The following CPNE6 variants were observed in gnomAD, a reference collection of about 807,000 sequenced individuals.
CPNE6 encodes copine-6.
CPNE6 carries 33 observed loss-of-function variants against 71.5 expected under a neutral mutation model. The observed-to-expected ratio is 0.46, with a 90% CI of 0.35 to 0.62. CPNE6 has a LOEUF of 0.62. Among genes scored for constraint, CPNE6 ranks in the 20% least tolerant of loss-of-function variants. CPNE6 has a pLI of 0.00. For synonymous variants in CPNE6, 296 were observed against 293.0 expected (o/e 1.01, Z -0.10); for missense variants, 576 against 747.3 (o/e 0.77, Z 2.67).
Position 24,075,150 on chromosome 14 carries a change from A to T in CPNE6, c.673-22A>T. On this transcript the variant is annotated intron_variant, in intron 8 of 17. Transcript: ENST00000397016. This position sits in a 1 kb window ranked among gnomAD's most constrained non-coding sequence, Gnocchi z 4.3. The stretch of plus-strand genomic sequence containing the variant: ...CGCAGAGCATCTCCAACCTGACCCC[A>T]CCCCTCCCCCTGCCTTCTCAGTTCC... The T allele has an allele frequency of 6.3e-7, 1 of 1,581,846 alleles. No homozygotes were observed. The highest frequency in any genetic ancestry group is 1.1e-5 in the South Asian group (1 of 90,382).
chr14:24,076,979 G>A (rs779770775), exon 15 of CPNE6: 105 of 1,611,882 alleles, frequency 6.5e-5, no homozygotes, highest in African/African-American at 1.1e-4. Flanking sequence ...TGGCTGAGCC[G>A]GCCCAGCGGG....
In CPNE6 at chr14:24,076,581, C is replaced by A. The variant is rs1190427603; in HGVS notation, c.1165+24C>A. 3 of 1,613,616 alleles carry A rather than the reference C, an allele frequency of 1.9e-6. No individual in the cohort carries two copies. In the South Asian group the frequency reaches 3.3e-5, roughly 18 times the overall value. ...AGGTAAAAGGGGAGATTTTCACCTGCCCCGCCTCCCCGCAGACACACTCCA... is the reference window on the plus strand; with the variant it reads ...AGGTAAAAGGGGAGATTTTCACCTGACCCGCCTCCCCGCAGACACACTCCA... On this transcript the variant is annotated intron_variant, in intron 14 of 17. Coordinates refer to ENST00000397016, the Ensembl canonical transcript of CPNE6.
At position 24,073,245 on chromosome 14, in the gene CPNE6, A is replaced by G. The variant is rs986685766; in HGVS notation, c.168+141A>G. On this transcript the variant is annotated intron_variant, in intron 3 of 17. Transcript: ENST00000397016. This position sits in a 1 kb window ranked among gnomAD's most constrained non-coding sequence, Gnocchi z 5.5. ...TCGAGGCCGCTTGGGTACCCTGGAG[A>G]TGGTGTCCCAGAGGGTCCTGAGATT... The G allele has an allele frequency of 6.9e-6, 7 of 1,021,824 alleles. No homozygotes were observed. In the East Asian group the frequency reaches 2.1e-4, roughly 31 times the overall value. 63.3% of individuals were successfully genotyped at this position (1,021,824 alleles called of 1,614,324 possible).
rs2138844500 is a variant in CPNE6, at chr14:24,073,231, TG to T, written c.168+130del. 9.1e-7 allele frequency: 1 copy of T among 1,097,996 alleles called. No homozygotes were observed. The highest frequency in any genetic ancestry group is 2.1e-5 in the South Asian group (1 of 48,420). The allele number at this position is 1,097,996 out of a possible 1,614,324, so 68.0% of individuals were successfully genotyped here. On this transcript the variant is annotated intron_variant, in intron 3 of 17. Transcript: ENST00000397016. The surrounding 1 kb of genome is among the most constrained non-coding windows in gnomAD (Gnocchi z 5.5). ...TCTGCGGCGCCTTCTCGAGGCCGCT[TG>T]GGTACCCTGGAGATGGTGTCCCAGA...
At chr14:24,071,027 G>A (rs368500755) in exon 1 of CPNE6, 114 of 1,535,454 alleles carry the variant, frequency 7.4e-5, no homozygotes, top group African/African-American at 3.0e-4. Context: ...GCTGTATTCC[G>A]GGTTAGTTTG....
At chr14:24,076,596 G>T (rs1389753843) in intron 14 of CPNE6, 39 bp downstream of exon 13, 2 of 1,612,138 alleles carry the variant, frequency 1.2e-6, no homozygotes, top group Non-Finnish European at 1.7e-6. Context: ...CCTCCCCGCA[G>T]ACACACTCCA....
In CPNE6 at chr14:24,077,135, C is replaced by G. The variant is rs368566672; in HGVS notation, c.1300-19C>G. 2.5e-5 allele frequency: 40 copies of G among 1,596,938 alleles called. No individual in the cohort carries two copies. The highest frequency in any genetic ancestry group is 3.2e-5 in the Non-Finnish European group (38 of 1,176,058). On this transcript the variant is annotated intron_variant, in intron 15 of 17. Transcript: ENST00000397016. This position sits in a 1 kb window ranked among gnomAD's most constrained non-coding sequence, Gnocchi z 6.1. ...TTGCACACAAAGCCAACCCTTCCAC[C>G]CTCTCTGCTTGCCCTCAGAAGTACT...
Position 24,072,953 on chromosome 14 carries a change from TG to T in CPNE6, c.20del (p.Gly7AspfsTer9). 6.3e-7 allele frequency: 1 copy of T among 1,581,566 alleles called. No individual in the cohort carries two copies. Among genetic ancestry groups the T allele is most frequent in the Non-Finnish European group, 8.6e-7 (1 of 1,165,774 alleles). On this transcript the variant is annotated frameshift_variant, in exon 3 of 18. Coordinates refer to ENST00000397016, the Ensembl canonical transcript of CPNE6. LOFTEE classifies it high-confidence loss of function. ...CACAGTGACATGTCGGACCCTGAGA[TG>T]GGATGGGTGCCTGAGCCCCCAACCA...
In CPNE6 at chr14:24,077,375, C is replaced by T. The variant is rs757819303; in HGVS notation, c.1521C>T (p.Phe507=). The change falls in exon 16 of 18, where the codon TTC becomes TTT. Residue 507 remains phenylalanine, a synonymous_variant. Coordinates refer to ENST00000397016, the Ensembl canonical transcript of CPNE6. This position sits in a 1 kb window ranked among gnomAD's most constrained non-coding sequence, Gnocchi z 6.1. ...GAGACATTGTCCAGTTCGTGCCCTT[C>T]CGAGACTTCAAGGATGTGAGTCCCC... 9 of 1,613,870 alleles carry T rather than the reference C, an allele frequency of 5.6e-6. No homozygotes were observed. The highest frequency in any genetic ancestry group is 7.6e-6 in the Non-Finnish European group (9 of 1,179,988).
chr14:24,076,850 C>T lies in CPNE6; in HGVS notation c.1166-29C>T, dbSNP rs750491160. 8 of 1,610,522 alleles carry T rather than the reference C, an allele frequency of 5.0e-6. 1 individual carries two copies. The South Asian group carries it at 8.8e-5, about 18-fold the overall frequency. On this transcript the variant is annotated intron_variant, in intron 14 of 17. Transcript: ENST00000397016. ...CAGGAGGGGGCCCTGCTCATTTCTG[C>T]CAGCTTCACAACTTCTCTTCACTCA...
rs2036024997 is a variant in CPNE6, at chr14:24,075,298, C to T, written c.777+22C>T. 1 of 1,582,654 alleles carries T rather than the reference C, an allele frequency of 6.3e-7. No homozygotes were observed. The highest frequency in any genetic ancestry group is 1.1e-5 in the South Asian group (1 of 90,460). ...GGAGGTGCCACAAATACCCCACCCC[C>T]AGAATCCCACCCAGATCCCTGGGAG... On this transcript the variant is annotated intron_variant, in intron 9 of 17. Transcript: ENST00000397016. This position sits in a 1 kb window ranked among gnomAD's most constrained non-coding sequence, Gnocchi z 4.3.
At chr14:24,076,598 C>A (rs1437979690) in intron 14 of CPNE6, 41 bp downstream of exon 13, 1 of 1,610,794 alleles carries the variant, frequency 6.2e-7, no homozygotes, top group Non-Finnish European at 8.5e-7. Context: ...TCCCCGCAGA[C>A]ACACTCCACA....
At position 24,076,427 on chromosome 14, in the gene CPNE6, C is replaced by G; in HGVS notation, c.1113+13C>G. 1 of 1,614,154 alleles carries G rather than the reference C, an allele frequency of 6.2e-7. No homozygotes were observed. The highest frequency in any genetic ancestry group is 8.5e-7 in the Non-Finnish European group (1 of 1,180,032). ...CCCCAACTTCGAGGTAGGCTAGATG[C>G]GAGGGAAAGAAGGAGATGGGGGGCG... On this transcript the variant is annotated intron_variant, in intron 13 of 17. Transcript: ENST00000397016.
rs566693072 is a variant in CPNE6 at position 24,073,085 on chromosome 14, C to G, written c.149C>G (p.Ser50Cys). The change falls in exon 3 of 18, where the codon TCT (serine) becomes TGT (cysteine). Residue 50 changes from serine (S) to cysteine (C), a missense_variant. By Grantham distance (112) the Ser-to-Cys change is moderately radical. This residue lies in a region of CPNE6 where 89 missense variants were observed against 80.4 expected (regional missense o/e 1.11). Coordinates refer to ENST00000397016, the Ensembl canonical transcript of CPNE6. The surrounding 1 kb of genome is among the most constrained non-coding windows in gnomAD (Gnocchi z 5.5). Reference sequence around the variant, plus strand: ...CCCTGCGTGCTGCTCAAGCTCTACTCTGATGAGCAGTGGGTGGAGGTGAGA... The same window carrying G: ...CCCTGCGTGCTGCTCAAGCTCTACTGTGATGAGCAGTGGGTGGAGGTGAGA... The G allele has an allele frequency of 2.0e-6, 3 of 1,485,470 alleles. No individual in the cohort carries two copies. Among genetic ancestry groups the G allele is most frequent in the Admixed American group, 2.3e-5 (1 of 42,640 alleles). The allele number at this position is 1,485,470 out of a possible 1,614,324, so 92.0% of individuals were successfully genotyped here.
chr14:24,077,669 G>A lies in CPNE6; in HGVS notation c.1613G>A (p.Gly538Asp), dbSNP rs749989504. 2.5e-6 allele frequency: 4 copies of A among 1,593,306 alleles called. No individual in the cohort carries two copies. The highest frequency in any genetic ancestry group is 2.2e-5 in the East Asian group (1 of 44,680). The change falls in exon 17 of 18, where the codon GGC becomes GAC. Residue 538 changes from glycine to aspartate, a missense_variant. This residue lies in a region of CPNE6 where 264 missense variants were observed against 339.9 expected (regional missense o/e 0.78). Coordinates refer to ENST00000397016, the Ensembl canonical transcript of CPNE6. This position sits in a 1 kb window ranked among gnomAD's most constrained non-coding sequence, Gnocchi z 6.1. The stretch of plus-strand genomic sequence containing the variant: ...GTGGTGGAGTACTACGCCAGCCAGG[G>A]CATCAGCCCTGGGGCTCCCAGGCCC...
In CPNE6 at chr14:24,073,657, T is replaced by C; in HGVS notation, c.327T>C (p.Ser109=). 6.2e-7 allele frequency: 1 copy of C among 1,613,566 alleles called. No homozygotes were observed. Among genetic ancestry groups the C allele is most frequent in the South Asian group, 1.1e-5 (1 of 91,034 alleles). ...CCCGAAATGATACCTTCCTCGGCTCTACGGAGTGCACCTTGGGCCAGGTCT... is the reference window on the plus strand; with the variant it reads ...CCCGAAATGATACCTTCCTCGGCTCCACGGAGTGCACCTTGGGCCAGGTCT... The change falls in exon 4 of 18, where the codon TCT becomes TCC. Residue 109 remains serine, a synonymous_variant. Transcript: ENST00000397016. This position sits in a 1 kb window ranked among gnomAD's most constrained non-coding sequence, Gnocchi z 5.5.
In CPNE6 at chr14:24,075,892, G is replaced by T; in HGVS notation, c.924+6G>T. 1 of 1,614,092 alleles carries T rather than the reference G, an allele frequency of 6.2e-7. No homozygotes were observed. Among genetic ancestry groups the T allele is most frequent in the South Asian group, 1.1e-5 (1 of 91,072 alleles). ...GCTGCCAGATCAGCTTCACGGTAAA[G>T]ACTCAGAGGGAGGGCACACAGGCAA... On this transcript the variant is annotated splice_donor_region_variant and intron_variant, in intron 11 of 17. Coordinates refer to ENST00000397016, the Ensembl canonical transcript of CPNE6. The surrounding 1 kb of genome is among the most constrained non-coding windows in gnomAD (Gnocchi z 4.3).
In CPNE6 at chr14:24,077,635, C is replaced by T; in HGVS notation, c.1579C>T (p.Pro527Ser). 1 of 1,596,738 alleles carries T rather than the reference C, an allele frequency of 6.3e-7. No homozygotes were observed. Among genetic ancestry groups the T allele is most frequent in the South Asian group, 1.1e-5 (1 of 88,118 alleles). Reference sequence around the variant, plus strand: ...CGCCAAGTGTGTCCTGGCTGAGGTGCCACGGCAGGTGGTGGAGTACTACGC... The same window carrying T: ...CGCCAAGTGTGTCCTGGCTGAGGTGTCACGGCAGGTGGTGGAGTACTACGC... Residue 527 changes from proline (P) to serine (S), a missense_variant, in exon 17 of 18, where the codon CCA (proline) becomes TCA (serine). This residue lies in a region of CPNE6 where 264 missense variants were observed against 339.9 expected (regional missense o/e 0.78). Transcript: ENST00000397016. The surrounding 1 kb of genome is among the most constrained non-coding windows in gnomAD (Gnocchi z 6.1).
rs1594228115 is a variant in CPNE6, at chr14:24,073,778, A to G, written c.348+100A>G. The G allele has an allele frequency of 7.6e-7, 1 of 1,320,840 alleles. No individual in the cohort carries two copies. The highest frequency in any genetic ancestry group is 2.4e-5 in the East Asian group (1 of 41,646). 81.8% of individuals were successfully genotyped at this position (1,320,840 alleles called of 1,614,324 possible). A position where few individuals can be genotyped will look rare whatever the true frequency, so the allele number is the denominator to read the frequency against. On this transcript the variant is annotated intron_variant, in intron 4 of 17. Coordinates refer to ENST00000397016, the Ensembl canonical transcript of CPNE6. This position sits in a 1 kb window ranked among gnomAD's most constrained non-coding sequence, Gnocchi z 5.5. Reference sequence around the variant, plus strand: ...AAACATGAGCTCTAGAGCTAGTTCAACCCAGCCTTGGCTCCCATCTCTGCC... The same window carrying G: ...AAACATGAGCTCTAGAGCTAGTTCAGCCCAGCCTTGGCTCCCATCTCTGCC...
Sources: gnomAD v4.1 joint callset for allele counts on GRCh38, gnomAD v4.1.1 for gene constraint, gnomAD v4.1.1 regional missense constraint, Gnocchi (gnomAD v3.1) non-coding constraint, MANE v1.5 for transcripts, NCBI Gene and HGNC (gene_info 2026-07-23, HGNC 2026-07-21) for gene names.